The following CENPP variants were observed in gnomAD, a reference collection of about 807,000 sequenced individuals.
The protein encoded by CENPP is centromere protein P.
In CENPP, 24 loss-of-function variants were observed where a neutral mutation model predicts 35.6. The observed-to-expected ratio is 0.67, with a 90% confidence interval of 0.49 to 0.95. The LOEUF is 0.95. Among genes scored for constraint, CENPP ranks in the 40% least tolerant of loss-of-function variants. The pLI is 0.00. For missense variants in CENPP, 332 were observed against 345.3 expected (o/e 0.96, Z 0.31); for synonymous variants, 120 against 125.5 (o/e 0.96, Z 0.29).
At chr9:92,338,476 C>T (rs1221598353) in intron 3 of CENPP, among the ~76,000 whole-genome samples, 2 of 152,160 alleles carry the variant, frequency 1.3e-5, no homozygotes, top group Admixed American at 6.5e-5. Context: ...TACTTTAAAT[C>T]ATTTCTAGAT....
intron 5 of CENPP, among the ~76,000 whole-genome samples, chr9:92,485,849 T>C (rs1846043543): frequency 6.6e-6 from 1 of 152,132 alleles, no homozygotes; most frequent in Admixed American, 6.5e-5. Flanking sequence ...AAAGGTTTGA[T>C]AGGTGAGGCA....
In CENPP at chr9:92,618,154, G is replaced by A. The variant is rs904377141; in HGVS notation, c.*5005G>A. ...CCTGGAAGCAGGCCCAGCCCCACAC[G>A]CCATGTTCTCGGAGGAGAAGCCTTC... On this transcript the variant is annotated 3_prime_UTR_variant, in exon 8 of 8. Transcript: ENST00000375587. The A allele has an allele frequency of 7.2e-5, 32 of 445,514 alleles. No individual in the cohort carries two copies. The highest frequency in any genetic ancestry group is 1.9e-4 in the Admixed American group (8 of 41,602). 27.6% of individuals were successfully genotyped at this position (445,514 alleles called of 1,614,324 possible). A position where few individuals can be genotyped will look rare whatever the true frequency, so the allele number is the denominator to read the frequency against.
chr9:92,386,373 A>G (rs1309505228), intron 5 of CENPP: 4 of 835,338 alleles, frequency 4.8e-6, no homozygotes, highest in Admixed American at 1.8e-5. Flanking sequence ...ATATATGTGC[A>G]TATGAGTATA....
At chr9:92,388,363 T>C (rs1173297967) in intron 5 of CENPP, among the ~76,000 whole-genome samples, 3 of 151,940 alleles carry the variant, frequency 2.0e-5, no homozygotes, top group East Asian at 3.9e-4. Context: ...AGTTTCACCA[T>C]GTTGGCCAGG....
chr9:92,526,785 C>CT (rs1333586735), intron 5 of CENPP, among the ~76,000 whole-genome samples: 1 of 151,834 alleles, frequency 6.6e-6, no homozygotes, highest in Non-Finnish European at 1.5e-5. Flanking sequence ...AATAAAAAAA[C>CT]TTTTTTATAA....
intron 5 of CENPP, chr9:92,495,809 A>G (rs1846316056): frequency 1.0e-6 from 1 of 954,572 alleles, no homozygotes; most frequent in Non-Finnish European, 1.2e-6. Context: ...ATATTCAGTT[A>G]TATTTATACC....
intron 5 of CENPP, chr9:92,404,523 G>T: frequency 7.7e-7 from 1 of 1,296,294 alleles, no homozygotes; most frequent in East Asian, 5.7e-5. Context: ...AGTTTTTTGT[G>T]GTTTTCCTCA....
intron 5 of CENPP, among the ~76,000 whole-genome samples, chr9:92,492,544 G>A (rs1353347199): frequency 6.6e-6 from 1 of 152,204 alleles, no homozygotes; most frequent in East Asian, 1.9e-4. Flanking sequence ...CTAAGGAGAT[G>A]TACGTGGAGC....
chr9:92,474,608 C>T lies in CENPP; in HGVS notation c.564+94749C>T, dbSNP rs765974567. ...GCATTACTATTCTTCAAAACAAAATCGACTTATATTCTTACCTAAATCTGA... is the reference window on the plus strand; with the variant it reads ...GCATTACTATTCTTCAAAACAAAATTGACTTATATTCTTACCTAAATCTGA... On this transcript the variant is annotated intron_variant, in intron 5 of 7. Coordinates refer to ENST00000375587, the MANE Select transcript of CENPP (RefSeq NM_001012267.3). 19 of 1,590,940 alleles carry T rather than the reference C, an allele frequency of 1.2e-5. No homozygotes were observed. The East Asian group carries it at 2.0e-4, about 17-fold the overall frequency.
At position 92,421,091 on chromosome 9, in the gene CENPP, C is replaced by T. The variant is rs554881532; in HGVS notation, c.564+41232C>T. Among the ~76,000 whole-genome samples, 72 of 152,276 alleles carry T rather than the reference C, an allele frequency of 4.7e-4. 3 individuals are homozygous for T. Among genetic ancestry groups the T allele is most frequent in the Non-Finnish European group, 7.2e-4 (49 of 68,020 alleles). On this transcript the variant is annotated intron_variant, in intron 5 of 7. Coordinates refer to ENST00000375587, the MANE Select transcript of CENPP (RefSeq NM_001012267.3). Reference sequence around the variant, plus strand: ...AGACAGTCTCACTCTGTCACCCAGGCTGGAGCGCAGTGGTGCACTCTTGGC... The same window carrying T: ...AGACAGTCTCACTCTGTCACCCAGGTTGGAGCGCAGTGGTGCACTCTTGGC...
chr9:92,604,119 A>G (rs537612632), intron 5 of CENPP, among the ~76,000 whole-genome samples: 29 of 152,324 alleles, frequency 1.9e-4, no homozygotes, highest in African/African-American at 6.7e-4. Context: ...AGTGTGTTCA[A>G]TGTGGTAAGA....
chr9:92,594,127 T>C (rs1850723118), intron 5 of CENPP, among the ~76,000 whole-genome samples: 1 of 152,232 alleles, frequency 6.6e-6, no homozygotes, highest in Non-Finnish European at 1.5e-5. Context: ...GACTCTGTAT[T>C]GTCTTTGCAA....
At chr9:92,484,541 A>G (rs1369027320) in intron 5 of CENPP, among the ~76,000 whole-genome samples, 1 of 152,176 alleles carries the variant, frequency 6.6e-6, no homozygotes, top group Non-Finnish European at 1.5e-5. Context: ...GGTACTATGA[A>G]CGTTCCTCAG....
chr9:92,360,050 A>G (rs1304050942), intron 4 of CENPP, among the ~76,000 whole-genome samples: 6 of 152,174 alleles, frequency 3.9e-5, no homozygotes, highest in African/African-American at 1.2e-4. Flanking sequence ...AAATTGTTAT[A>G]TAAGTGGAGA....
At chr9:92,582,297 A>G (rs1588295098) in intron 5 of CENPP, among the ~76,000 whole-genome samples, 1 of 152,116 alleles carries the variant, frequency 6.6e-6, no homozygotes, top group Admixed American at 6.5e-5. Context: ...AGCTCAGGTG[A>G]CCTGCCTGCC....
At chr9:92,525,033 C>T (rs981909960) in intron 5 of CENPP, among the ~76,000 whole-genome samples, 2 of 152,154 alleles carry the variant, frequency 1.3e-5, no homozygotes, top group African/African-American at 4.8e-5. Context: ...CCTGAGAGGC[C>T]AGGCACTGTG....
At chr9:92,417,175 T>C (rs1280093401) in intron 5 of CENPP, 9 of 1,613,900 alleles carry the variant, frequency 5.6e-6, no homozygotes, top group Non-Finnish European at 7.6e-6. Context: ...TCTTTTGAGA[T>C]TTAATTTTGT....
intron 5 of CENPP, among the ~76,000 whole-genome samples, chr9:92,475,355 T>TA (rs945180587): frequency 2.0e-5 from 3 of 151,988 alleles, no homozygotes; most frequent in African/African-American, 4.8e-5. Flanking sequence ...AAAGCAAATA[T>TA]AAAAAATCCA....
At chr9:92,585,843 C>T (rs1344386051) in intron 5 of CENPP, among the ~76,000 whole-genome samples, 2 of 152,078 alleles carry the variant, frequency 1.3e-5, no homozygotes, top group East Asian at 3.9e-4. Context: ...ACAGAAGGGG[C>T]GGCTGTGACG....
Sources: gnomAD v4.1 joint callset for allele counts (sites outside exome capture counted in the v4.1 genomes callset) on GRCh38, gnomAD v4.1.1 for gene constraint, MANE v1.5 for transcripts, NCBI Gene and HGNC (gene_info 2026-07-23, HGNC 2026-07-21) for gene names.